The following TENM3 variants were observed in gnomAD, a reference collection of about 807,000 sequenced individuals.
The protein encoded by TENM3 is teneurin-3.
In TENM3, 63 loss-of-function variants were observed where a neutral mutation model predicts 255.1. The observed-to-expected ratio is 0.25, with a 90% CI of 0.20 to 0.30. TENM3 has a LOEUF of 0.30. Among genes scored for constraint, TENM3 ranks in the 10% least tolerant of loss-of-function variants. The pLI is 1.00. For missense variants in TENM3, 2,929 were observed against 3,461.1 expected (o/e 0.85, Z 3.86); for synonymous variants, 1,306 against 1,322.3 (o/e 0.99, Z 0.27).
At chr4:181,717,341 G>C in the TENM3 span, among the ~76,000 whole-genome samples, 42 of 151,728 alleles carry the variant, frequency 2.8e-4, no homozygotes, top group Non-Finnish European at 3.2e-4. Context: ...ATGATCACGG[G>C]GTATAAAAAT....
chr4:182,666,368 C>T (rs1447866116), intron 6 of TENM3, among the ~76,000 whole-genome samples: 1 of 152,168 alleles, frequency 6.6e-6, no homozygotes, highest in Non-Finnish European at 1.5e-5. Context: ...AGCATCCCAT[C>T]CTTCAGAGAA....
At chr4:181,728,882 G>A in the TENM3 span, among the ~76,000 whole-genome samples, 1 of 152,054 alleles carries the variant, frequency 6.6e-6, no homozygotes, top group African/African-American at 2.4e-5. Flanking sequence ...GCTTCTAGAT[G>A]AGTGTGAAAT....
chr4:182,044,273 A>G, the TENM3 span, among the ~76,000 whole-genome samples: 1 of 152,224 alleles, frequency 6.6e-6, no homozygotes, highest in East Asian at 1.9e-4. Flanking sequence ...ACAAAAAGAA[A>G]GGAAAGAACT....
At chr4:182,674,365 G>A (rs1254777626) in intron 7 of TENM3, among the ~76,000 whole-genome samples, 1 of 152,048 alleles carries the variant, frequency 6.6e-6, no homozygotes, top group Non-Finnish European at 1.5e-5. Context: ...TAATGTAATT[G>A]TGGATTTAGT....
chr4:181,741,056 T>C, the TENM3 span, among the ~76,000 whole-genome samples: 1 of 152,188 alleles, frequency 6.6e-6, no homozygotes, highest in African/African-American at 2.4e-5. Context: ...GCTTTTAGCA[T>C]CAAGGCTGTC....
chr4:181,932,629 A>C, the TENM3 span, among the ~76,000 whole-genome samples: 1 of 152,250 alleles, frequency 6.6e-6, no homozygotes, highest in African/African-American at 2.4e-5. Flanking sequence ...ATCTAGAACC[A>C]GAAATACCAT....
chr4:181,903,693 A>T, the TENM3 span, among the ~76,000 whole-genome samples: 1 of 152,174 alleles, frequency 6.6e-6, no homozygotes, highest in African/African-American at 2.4e-5. Context: ...TGGTCTAAAA[A>T]TACATCACCT....
At chr4:182,704,439 T>C (rs1028397088) in intron 12 of TENM3, among the ~76,000 whole-genome samples, 1 of 152,242 alleles carries the variant, frequency 6.6e-6, no homozygotes, top group Non-Finnish European at 1.5e-5. Context: ...ACCAGTCATC[T>C]CTACAAAGCT....
chr4:182,206,535 T>C (rs1754591046), intron 1 of TENM3, among the ~76,000 whole-genome samples: 1 of 152,228 alleles, frequency 6.6e-6, no homozygotes, highest in Admixed American at 6.5e-5. Context: ...CTATGATTTG[T>C]TGAGAATCTG....
At chr4:182,574,719 T>G (rs1373669311) in intron 3 of TENM3, among the ~76,000 whole-genome samples, 4 of 152,122 alleles carry the variant, frequency 2.6e-5, no homozygotes, top group African/African-American at 7.2e-5. Context: ...TACCCTACTA[T>G]TGTCTCAAAC....
chr4:182,524,505 T>G (rs1322692211), intron 3 of TENM3, among the ~76,000 whole-genome samples: 1 of 151,650 alleles, frequency 6.6e-6, no homozygotes, highest in Non-Finnish European at 1.5e-5. Context: ...GCTACAGGTG[T>G]GCACCACCAT....
intron 1 of TENM3, among the ~76,000 whole-genome samples, chr4:182,306,330 A>C (rs577557175): frequency 6.6e-6 from 1 of 152,160 alleles, no homozygotes; most frequent in South Asian, 2.1e-4. Context: ...TGCTAGGATT[A>C]CAGGCCTGAG....
the TENM3 span, among the ~76,000 whole-genome samples, chr4:181,708,000 G>A: frequency 1.3e-5 from 2 of 151,694 alleles, no homozygotes; most frequent in Non-Finnish European, 2.9e-5. Flanking sequence ...TTAATTAGTG[G>A]GATTGTTTCT....
the TENM3 span, among the ~76,000 whole-genome samples, chr4:181,523,419 T>TAA: frequency 7.6e-3 from 1,100 of 144,468 alleles, 8 homozygotes; most frequent in Non-Finnish European, 0.012. Context: ...ATTTTAAAAT[T>TAA]AAAAAAAAAA....
At chr4:181,697,553 C>A in the TENM3 span, among the ~76,000 whole-genome samples, 2 of 151,972 alleles carry the variant, frequency 1.3e-5, no homozygotes, top group Admixed American at 6.6e-5. Flanking sequence ...ACTACCACAC[C>A]CGGCTAATTT....
the TENM3 span, among the ~76,000 whole-genome samples, chr4:182,111,240 A>T: frequency 7.9e-6 from 1 of 127,154 alleles, no homozygotes; most frequent in Non-Finnish European, 1.6e-5. Context: ...GAGCCAATTC[A>T]GTCTGACAGG....
At chr4:182,177,852 A>G (rs1561170660) in intron 1 of TENM3, among the ~76,000 whole-genome samples, 2 of 151,956 alleles carry the variant, frequency 1.3e-5, no homozygotes, top group African/African-American at 4.8e-5. Flanking sequence ...TGAAATTCAG[A>G]TGAGACAACA....
chr4:181,796,994 G>T, the TENM3 span, among the ~76,000 whole-genome samples: 1 of 152,090 alleles, frequency 6.6e-6, no homozygotes, highest in Non-Finnish European at 1.5e-5. Context: ...GTTTATTTCA[G>T]ACGGCAAAGA....
rs557631235 is a variant in TENM3 at position 182,788,574 on chromosome 4, A to G, written c.5305-519A>G. On this transcript the variant is annotated intron_variant, in intron 24 of 27. Coordinates refer to ENST00000511685, the MANE Select transcript of TENM3 (RefSeq NM_001080477.4). ...AACTGTGACGTTGCAGCACTGGGCC[A>G]AAAGCAATGATCTTGTTTATAACCT... Among the ~76,000 whole-genome samples, 4 of 152,364 alleles carry G rather than the reference A, an allele frequency of 2.6e-5. No homozygotes were observed. The East Asian group carries it at 7.7e-4, about 29-fold the overall frequency.
Sources: allele counts gnomAD v4.1 joint callset (sites outside exome capture counted in the v4.1 genomes callset), GRCh38; gene constraint gnomAD v4.1.1; transcripts MANE v1.5; gene names NCBI Gene and HGNC (gene_info 2026-07-23, HGNC 2026-07-21).